The following UBE2L3 variants were observed in gnomAD, a reference collection of about 807,000 sequenced individuals.
UBE2L3 encodes ubiquitin-conjugating enzyme E2 L3.
A neutral mutation model predicts 17.8 loss-of-function variants in UBE2L3; 1 was observed. That is an observed-to-expected ratio of 0.06 (90% CI 0.02 to 0.27). The LOEUF (loss-of-function observed/expected upper bound fraction) is 0.27. Ranked by LOEUF, UBE2L3 falls within the 10% of genes least tolerant of loss-of-function variation. The pLI is 1.00. For synonymous variants in UBE2L3, 44 were observed against 68.5 expected, an observed-to-expected ratio of 0.64 and a Z score of 1.76; for missense variants, 40 against 192.6, an observed-to-expected ratio of 0.21 and a Z score of 4.69.
intron 2 of UBE2L3, among the ~76,000 whole-genome samples, chr22:21,599,936 G>T (rs1472489799): frequency 1.3e-5 from 2 of 152,198 alleles, no homozygotes; most frequent in African/African-American, 4.8e-5. Context: ...GGTTAATGGA[G>T]ATTGTGATTT....
At chr22:21,614,441 G>T in intron 3 of UBE2L3, 4 of 475,812 alleles carry the variant, frequency 8.4e-6, no homozygotes, top group Non-Finnish European at 1.5e-5. Flanking sequence ...AAAAAAAAAA[G>T]AAAGAAAGAA....
upstream of UBE2L3, among the ~76,000 whole-genome samples, chr22:21,566,914 A>C (rs546165866): frequency 6.6e-6 from 1 of 152,248 alleles, no homozygotes; most frequent in Admixed American, 6.5e-5. Flanking sequence ...TGGCCGTGTG[A>C]CCTTGGGCAA....
intron 3 of UBE2L3, among the ~76,000 whole-genome samples, chr22:21,612,322 CT>C (rs1424376438): frequency 6.6e-6 from 1 of 151,392 alleles, no homozygotes; most frequent in African/African-American, 2.4e-5. Flanking sequence ...CTGGTTTTTT[CT>C]TTTCTTTTCT....
At chr22:21,605,183 G>A (rs978101009) in intron 2 of UBE2L3, among the ~76,000 whole-genome samples, 9 of 152,084 alleles carry the variant, frequency 5.9e-5, no homozygotes, top group Admixed American at 5.2e-4. Flanking sequence ...TTTACAAAAG[G>A]ACTTGTTTTT....
intron 1 of UBE2L3, among the ~76,000 whole-genome samples, chr22:21,576,090 A>G (rs1927274679): frequency 6.7e-6 from 1 of 149,014 alleles, no homozygotes; most frequent in Admixed American, 6.7e-5. Flanking sequence ...GAACTGGGGC[A>G]GGGGTGGAGG....
intron 2 of UBE2L3, among the ~76,000 whole-genome samples, chr22:21,598,850 C>CT (rs58077207): frequency 1.3e-4 from 19 of 148,668 alleles, no homozygotes; most frequent in Admixed American, 2.0e-4. Context: ...AGTTCCATTT[C>CT]TTTTTTTTTT....
At chr22:21,617,145 A>T (rs1162807212) in intron 3 of UBE2L3, among the ~76,000 whole-genome samples, 9 of 118,158 alleles carry the variant, frequency 7.6e-5, no homozygotes, top group Non-Finnish European at 1.0e-4. Context: ...ACTCTGTCTT[A>T]AAAAAAAAAA....
At chr22:21,568,080 G>A in intron 1 of UBE2L3, 1 of 1,209,742 alleles carries the variant, frequency 8.3e-7, no homozygotes, top group Non-Finnish European at 1.0e-6. Flanking sequence ...CGATCTGAGG[G>A]CGTCGTTAAT....
At position 21,609,493 on chromosome 22, in the gene UBE2L3, G is replaced by A. The variant is rs117129031; in HGVS notation, c.124-1364G>A. 7.2e-3 allele frequency among the ~76,000 whole-genome samples: 1,097 copies of A among 152,194 alleles called. 8 individuals carry two copies. Among genetic ancestry groups the A allele is most frequent in the Non-Finnish European group, 0.012 (794 of 68,012 alleles). ...AGGCCGAGACAGGCAGATCTCTTGA[G>A]CCCAGGAGTTTGAGACCAACCTGGA... On this transcript the variant is annotated intron_variant, in intron 2 of 3. Coordinates refer to ENST00000342192, the MANE Select transcript of UBE2L3 (RefSeq NM_003347.4).
intron 2 of UBE2L3, among the ~76,000 whole-genome samples, chr22:21,609,303 A>G (rs976989904): frequency 2.2e-4 from 34 of 152,250 alleles, no homozygotes; most frequent in African/African-American, 8.2e-4. Flanking sequence ...ACAGATGCTT[A>G]TAACAGCTTT....
At chr22:21,578,741 T>C (rs994368428) in intron 1 of UBE2L3, among the ~76,000 whole-genome samples, 1 of 152,162 alleles carries the variant, frequency 6.6e-6, no homozygotes, top group African/African-American at 2.4e-5. Flanking sequence ...TGCGTTCCTC[T>C]AAGCCTCTGT....
At chr22:21,610,824 G>T in intron 2 of UBE2L3, 33 bp from the exon 3 acceptor site, 1 of 1,554,968 alleles carries the variant, frequency 6.4e-7, no homozygotes, top group Non-Finnish European at 8.7e-7. Flanking sequence ...TATGAACCAT[G>T]GTGTGTTCAT....
At chr22:21,568,645 G>A (rs1926778372) in intron 1 of UBE2L3, among the ~76,000 whole-genome samples, 1 of 152,090 alleles carries the variant, frequency 6.6e-6, no homozygotes, top group Non-Finnish European at 1.5e-5. Flanking sequence ...TAGTACTTTT[G>A]CCAGTGGATT....
At chr22:21,582,359 GTTT>G (rs767688991) in intron 1 of UBE2L3, among the ~76,000 whole-genome samples, 1 of 138,532 alleles carries the variant, frequency 7.2e-6, no homozygotes. Flanking sequence ...TTTTGTTGTT[GTTT>G]TTTTTTTTTG....
intron 3 of UBE2L3, 45 bp from the exon 4 acceptor site, chr22:21,621,470 T>C: frequency 6.5e-7 from 1 of 1,541,008 alleles, no homozygotes; most frequent in Non-Finnish European, 8.7e-7. Context: ...CTGTGCCATT[T>C]CTGAGACTGT....
intron 1 of UBE2L3, among the ~76,000 whole-genome samples, chr22:21,578,962 ATTATTTATTTATTTAT>A (rs201411923): frequency 1.1e-3 from 158 of 148,072 alleles, no homozygotes; most frequent in South Asian, 6.0e-3. Flanking sequence ...AGCTAAGTGT[ATTATTTATTTATTTAT>A]TTATTTATTT....
At chr22:21,618,050 G>A (rs898724708) in intron 3 of UBE2L3, among the ~76,000 whole-genome samples, 21 of 151,880 alleles carry the variant, frequency 1.4e-4, no homozygotes, top group South Asian at 6.2e-4. Flanking sequence ...GCGTGGTGGC[G>A]GATGCCTGTA....
In UBE2L3 at chr22:21,622,210, T is replaced by C. The variant is rs1930067274; in HGVS notation, c.*541T>C. 1 of 152,822 alleles carries C rather than the reference T, an allele frequency of 6.5e-6. No homozygotes were observed. Among genetic ancestry groups the C allele is most frequent in the Non-Finnish European group, 1.5e-5 (1 of 68,434 alleles). The allele number at this position is 152,822 out of a possible 1,614,324, so 9.5% of individuals were successfully genotyped here. A position where few individuals can be genotyped will look rare whatever the true frequency, so the allele number is the denominator to read the frequency against. On this transcript the variant is annotated 3_prime_UTR_variant, in exon 4 of 4. Transcript: ENST00000342192. ...GGTTTAAATTCTCCTGACTCCAGTT[T>C]ATAACATCCTTTTAAAAAATTTAAA...
At chr22:21,552,881 G>A (rs1293035537) in intron 1 of UBE2L3, among the ~76,000 whole-genome samples, 3 of 134,000 alleles carry the variant, frequency 2.2e-5, no homozygotes, top group Non-Finnish European at 3.2e-5. Flanking sequence ...CCGCCACCAC[G>A]CCTGGCTAAT....
Sources: gnomAD v4.1 joint callset for allele counts (sites outside exome capture counted in the v4.1 genomes callset) on GRCh38, gnomAD v4.1.1 for gene constraint, MANE v1.5 for transcripts, NCBI Gene and HGNC (gene_info 2026-07-23, HGNC 2026-07-21) for gene names.